Variants in LOC400499 observed in about 807,000 individuals in gnomAD.
chr16:11,453,477 A>G, the LOC400499 span, among the ~76,000 whole-genome samples: 1 of 152,196 alleles, frequency 6.6e-6, no homozygotes, highest in Non-Finnish European at 1.5e-5. Flanking sequence ...ACTCCCTGAA[A>G]TTCTGTAACT....
the LOC400499 span, among the ~76,000 whole-genome samples, chr16:11,454,039 T>G: frequency 6.6e-6 from 1 of 152,148 alleles, no homozygotes; most frequent in African/African-American, 2.4e-5. Flanking sequence ...CATACCAAGG[T>G]ACCTCATAAT....
the LOC400499 span, among the ~76,000 whole-genome samples, chr16:11,410,064 C>T: frequency 1.3e-5 from 2 of 152,088 alleles, no homozygotes; most frequent in Non-Finnish European, 2.9e-5. Context: ...GGATCACTTG[C>T]ACCCAGGAGT....
the LOC400499 span, among the ~76,000 whole-genome samples, chr16:11,524,479 A>G: frequency 2.6e-5 from 4 of 151,344 alleles, no homozygotes; most frequent in Admixed American, 6.6e-5. Context: ...GTCCCCAGCC[A>G]TACCCTCATC....
chr16:11,420,722 C>T, the LOC400499 span, among the ~76,000 whole-genome samples: 1 of 151,986 alleles, frequency 6.6e-6, no homozygotes, highest in African/African-American at 2.4e-5. Context: ...CACCCTGGTC[C>T]CCTGCAACCC....
At chr16:11,510,045 C>T in the LOC400499 span, among the ~76,000 whole-genome samples, 2 of 150,882 alleles carry the variant, frequency 1.3e-5, no homozygotes, top group Non-Finnish European at 2.9e-5. Context: ...CTCATGCATT[C>T]GTCCTGTGAC....
chr16:11,407,982 T>G, the LOC400499 span, among the ~76,000 whole-genome samples: 3 of 140,908 alleles, frequency 2.1e-5, no homozygotes, highest in Non-Finnish European at 4.6e-5. Flanking sequence ...TTTTTTTTTT[T>G]TTTTTTTTTT....
the LOC400499 span, chr16:11,402,185 G>C: frequency 5.0e-6 from 2 of 398,986 alleles, no homozygotes; most frequent in Admixed American, 8.8e-5. Context: ...ACACACAAAG[G>C]GTAGGGCACG....
At chr16:11,509,369 C>T in the LOC400499 span, among the ~76,000 whole-genome samples, 8 of 150,498 alleles carry the variant, frequency 5.3e-5, no homozygotes, top group South Asian at 2.1e-4. Context: ...CCACCCACCT[C>T]GGCCTCCCAA....
At chr16:11,460,993 T>C in the LOC400499 span, 19 of 1,535,410 alleles carry the variant, frequency 1.2e-5, no homozygotes, top group Non-Finnish European at 1.7e-6. Context: ...CCTCAGGGAG[T>C]TGGTCCAGAG....
the LOC400499 span, among the ~76,000 whole-genome samples, chr16:11,459,340 G>A: frequency 6.6e-6 from 1 of 151,612 alleles, no homozygotes; most frequent in Non-Finnish European, 1.5e-5. Context: ...GGGGCTACAG[G>A]CACCTGCCCC....
At chr16:11,509,171 G>A in the LOC400499 span, among the ~76,000 whole-genome samples, 1 of 145,730 alleles carries the variant, frequency 6.9e-6, no homozygotes, top group Admixed American at 7.1e-5. Context: ...AGGCTGGAGT[G>A]CAGTGGCGCG....
At chr16:11,418,341 T>C in the LOC400499 span, among the ~76,000 whole-genome samples, 2 of 151,996 alleles carry the variant, frequency 1.3e-5, no homozygotes, top group Admixed American at 6.6e-5. Flanking sequence ...CGGGACGACA[T>C]AGGAGGTCAG....
the LOC400499 span, among the ~76,000 whole-genome samples, chr16:11,480,403 T>C: frequency 2.0e-5 from 3 of 152,152 alleles, no homozygotes; most frequent in Admixed American, 2.0e-4. Context: ...CCCTTGGTGG[T>C]TAGGAAACAT....
chr16:11,512,377 T>C, the LOC400499 span, among the ~76,000 whole-genome samples: 1 of 152,056 alleles, frequency 6.6e-6, no homozygotes. Context: ...GGCAGGCAGA[T>C]CAGACACCTG....
the LOC400499 span, among the ~76,000 whole-genome samples, chr16:11,414,879 G>A: frequency 1.3e-5 from 2 of 152,186 alleles, no homozygotes; most frequent in Admixed American, 1.3e-4. Flanking sequence ...AGCACAACCT[G>A]AAATGACCTC....
chr16:11,453,339 A>C, the LOC400499 span, among the ~76,000 whole-genome samples: 1 of 152,150 alleles, frequency 6.6e-6, no homozygotes, highest in African/African-American at 2.4e-5. Flanking sequence ...AAAACAGGGT[A>C]ACCAATATTT....
At chr16:11,425,504 A>G in the LOC400499 span, 2 of 398,598 alleles carry the variant, frequency 5.0e-6, no homozygotes, top group South Asian at 1.3e-4. Context: ...AGAGGAGGGA[A>G]AAGAATTTGG....
At chr16:11,403,744 A>C in the LOC400499 span, among the ~76,000 whole-genome samples, 1 of 152,204 alleles carries the variant, frequency 6.6e-6, no homozygotes, top group African/African-American at 2.4e-5. Context: ...CACAAATTAC[A>C]GCCCCTTCCA....
chr16:11,390,210 G>A, the LOC400499 span: 2 of 1,232,466 alleles, frequency 1.6e-6, no homozygotes, highest in Non-Finnish European at 2.0e-6. Context: ...GGCCTGGAGA[G>A]GGAGGGGACA....
Sources: allele counts gnomAD v4.1 joint callset (sites outside exome capture counted in the v4.1 genomes callset), GRCh38; gene constraint gnomAD v4.1.1; transcripts MANE v1.5.